The following SERGEF variants were observed in gnomAD, a reference collection of about 807,000 sequenced individuals.
The protein encoded by SERGEF is secretion regulating guanine nucleotide exchange factor.
SERGEF carries 51 observed loss-of-function variants against 50.0 expected under a neutral mutation model. The observed-to-expected ratio is 1.02, with a 90% CI of 0.81 to 1.29. The LOEUF (loss-of-function observed/expected upper bound fraction) is 1.29, where lower values mean the gene tolerates loss of function less well. SERGEF is among the 50% of genes most tolerant of loss of function. The pLI, the probability that SERGEF is intolerant of heterozygous loss-of-function variation, is 0.00. For synonymous variants in SERGEF, 205 were observed against 212.4 expected (o/e 0.97, Z 0.30); for missense variants, 521 against 557.0 (o/e 0.94, Z 0.65).
intron 9 of SERGEF, among the ~76,000 whole-genome samples, chr11:17,904,455 C>T (rs991283721): frequency 2.6e-5 from 4 of 152,246 alleles, no homozygotes; most frequent in African/African-American, 9.6e-5. Flanking sequence ...CCCTGCCTTT[C>T]AATTCCTTTA....
chr11:17,975,685 C>G (rs1005187664), intron 8 of SERGEF, among the ~76,000 whole-genome samples: 3 of 151,968 alleles, frequency 2.0e-5, no homozygotes, highest in Admixed American at 6.6e-5. Context: ...AAGAGCACCC[C>G]GAGTCAGGGT....
chr11:17,947,910 T>C (rs1239107908), intron 9 of SERGEF, among the ~76,000 whole-genome samples: 2 of 152,116 alleles, frequency 1.3e-5, no homozygotes, highest in Non-Finnish European at 2.9e-5. Context: ...CTAACATTAT[T>C]ATTACCTCTT....
rs149794565 is a variant in SERGEF at position 17,837,760 on chromosome 11, A to C, written c.1048+40448T>G. Among the ~76,000 whole-genome samples the C allele has an allele frequency of 3.1e-3, 458 of 149,694 alleles. 2 individuals carry two copies. The highest frequency in any genetic ancestry group is 0.01 in the African/African-American group (413 of 40,482). The stretch of plus-strand genomic sequence containing the variant: ...ACAGCAACCTCTGCTTCCCGGGTTC[A>C]AGCGGTTCTCCTGCCTCAGCCTCCT... On this transcript the variant is annotated intron_variant, in intron 10 of 10. Transcript: ENST00000265965.
intron 10 of SERGEF, among the ~76,000 whole-genome samples, chr11:17,873,529 T>C (rs1851185370): frequency 6.6e-6 from 1 of 152,218 alleles, no homozygotes; most frequent in Non-Finnish European, 1.5e-5. Context: ...GATGGTTTCA[T>C]GCCAAGGTTA....
chr11:17,845,520 T>C (rs762463016), intron 10 of SERGEF, among the ~76,000 whole-genome samples: 2 of 152,220 alleles, frequency 1.3e-5, no homozygotes, highest in Non-Finnish European at 2.9e-5. Flanking sequence ...CTCTCCATCC[T>C]GGCTCTGTTC....
chr11:17,933,448 A>T (rs547720478), intron 9 of SERGEF, among the ~76,000 whole-genome samples: 1 of 152,216 alleles, frequency 6.6e-6, no homozygotes, highest in African/African-American at 2.4e-5. Flanking sequence ...AAGAGCACTA[A>T]ACTGGGTATC....
intron 10 of SERGEF, chr11:17,866,719 T>G (rs2133887926): frequency 6.6e-6 from 1 of 152,342 alleles, no homozygotes; most frequent in African/African-American, 2.4e-5. Flanking sequence ...TTTATTAGTC[T>G]GTTTTAACAC....
At chr11:17,823,243 A>G (rs1194831175) in intron 10 of SERGEF, among the ~76,000 whole-genome samples, 1 of 152,226 alleles carries the variant, frequency 6.6e-6, no homozygotes, top group Non-Finnish European at 1.5e-5. Context: ...TGGAGGAGGA[A>G]GACCACAGAG....
chr11:17,991,968 A>ATG lies in SERGEF; in HGVS notation c.685+961_685+962dup, dbSNP rs1853719266. Among the ~76,000 whole-genome samples the ATG allele has an allele frequency of 6.6e-6, 1 of 152,220 alleles. No individual in the cohort carries two copies. Among genetic ancestry groups the ATG allele is most frequent in the Admixed American group, 6.5e-5 (1 of 15,284 alleles). On this transcript the variant is annotated intron_variant, in intron 7 of 10. Transcript: ENST00000265965. This position sits in a 1 kb window ranked among gnomAD's most constrained non-coding sequence, Gnocchi z 4.9. ...AAACAAAATATTATAAATCTCTCAGATGTATAGTCTCCAGTCTACCAGCAG... is the reference window on the plus strand; with the variant it reads ...AAACAAAATATTATAAATCTCTCAGATGTGTATAGTCTCCAGTCTACCAGCAG...
chr11:17,794,048 G>A (rs1478164978), intron 10 of SERGEF, among the ~76,000 whole-genome samples: 1 of 152,246 alleles, frequency 6.6e-6, no homozygotes, highest in East Asian at 1.9e-4. Flanking sequence ...GTGCTAGGGA[G>A]GGGGCAGCAT....
At position 17,888,892 on chromosome 11, in the gene SERGEF, G is replaced by A. The variant is rs1167124004; in HGVS notation, c.1012-10648C>T. On this transcript the variant is annotated intron_variant, in intron 9 of 10. Coordinates refer to ENST00000265965, the MANE Select transcript of SERGEF (RefSeq NM_012139.4). The surrounding 1 kb of genome is among the most constrained non-coding windows in gnomAD (Gnocchi z 4.1). ...ACCACGAAGTAAGAAAGTGATAAAA[G>A]AGTAAAGGAGACGTGTCAAAAGGAA... Among the ~76,000 whole-genome samples, 1 of 152,172 alleles carries A rather than the reference G, an allele frequency of 6.6e-6. No individual in the cohort carries two copies. Among genetic ancestry groups the A allele is most frequent in the African/African-American group, 2.4e-5 (1 of 41,448 alleles).
intron 8 of SERGEF, among the ~76,000 whole-genome samples, chr11:17,962,157 T>C (rs1195073814): frequency 1.3e-5 from 2 of 152,160 alleles, no homozygotes; most frequent in East Asian, 1.9e-4. Context: ...ACTTGGCTGA[T>C]GAAATAGCCA....
intron 5 of SERGEF, among the ~76,000 whole-genome samples, chr11:17,998,831 G>GA (rs141697385): frequency 0.52 from 73,666 of 142,828 alleles, 19,382 homozygotes; most frequent in African/African-American, 0.68. Context: ...TACAGGCCAG[G>GA]AAAAAAAAAA....
At chr11:17,933,286 A>C (rs1465350777) in intron 9 of SERGEF, among the ~76,000 whole-genome samples, 16 of 152,116 alleles carry the variant, frequency 1.1e-4, no homozygotes. Context: ...CTTGGCTTGG[A>C]GGGTTGTAAA....
intron 8 of SERGEF, among the ~76,000 whole-genome samples, chr11:17,966,989 T>C (rs1853138389): frequency 6.6e-6 from 1 of 152,232 alleles, no homozygotes; most frequent in Non-Finnish European, 1.5e-5. Flanking sequence ...AAATGACTTG[T>C]CCAAGATCAC....
rs564084583 is a variant in SERGEF, at chr11:17,819,951, C to T, written c.1049-31538G>A. Among the ~76,000 whole-genome samples, 139 of 152,272 alleles carry T rather than the reference C, an allele frequency of 9.1e-4. 1 individual carries two copies. The highest frequency in any genetic ancestry group is 3.3e-3 in the African/African-American group (135 of 41,532). On this transcript the variant is annotated intron_variant, in intron 10 of 10. Transcript: ENST00000265965. ...CCTCCCAGGCTCAAGCGATCCTCCCCGACAGCCTCCAGGGGAGCTGGGACT... is the reference window on the plus strand; with the variant it reads ...CCTCCCAGGCTCAAGCGATCCTCCCTGACAGCCTCCAGGGGAGCTGGGACT...
At chr11:17,889,935 G>T (rs1400752562) in intron 9 of SERGEF, among the ~76,000 whole-genome samples, 1 of 151,410 alleles carries the variant, frequency 6.6e-6, no homozygotes, top group Non-Finnish European at 1.5e-5. Flanking sequence ...GCCTAATTTG[G>T]GTGATTACAT....
chr11:17,958,490 T>C (rs1389382665), intron 9 of SERGEF, among the ~76,000 whole-genome samples: 1 of 152,188 alleles, frequency 6.6e-6, no homozygotes, highest in African/African-American at 2.4e-5. Context: ...GATTCCTGCC[T>C]TAAATGTAGA....
At chr11:17,790,376 A>G (rs1849461992) in intron 10 of SERGEF, among the ~76,000 whole-genome samples, 1 of 151,032 alleles carries the variant, frequency 6.6e-6, no homozygotes, top group Non-Finnish European at 1.5e-5. Flanking sequence ...TACACTCATC[A>G]TTGTTTTCGA....
Sources: gnomAD v4.1 joint callset for allele counts (sites outside exome capture counted in the v4.1 genomes callset) on GRCh38, gnomAD v4.1.1 for gene constraint, Gnocchi (gnomAD v3.1) non-coding constraint, MANE v1.5 for transcripts, NCBI Gene and HGNC (gene_info 2026-07-23, HGNC 2026-07-21) for gene names.